Variants in MAML2 observed in about 807,000 individuals in gnomAD.
The protein encoded by MAML2 is mastermind-like protein 2.
Under a neutral mutation model 96.1 loss-of-function variants are expected in MAML2, and 22 were observed. The observed-to-expected ratio is 0.23, with a 90% CI of 0.16 to 0.33. The LOEUF (loss-of-function observed/expected upper bound fraction) is 0.33. Among genes scored for constraint, MAML2 ranks in the 10% least tolerant of loss-of-function variants. MAML2 has a pLI of 1.00. For synonymous variants in MAML2, 561 were observed against 521.3 expected, an observed-to-expected ratio of 1.08 and a Z score of -1.04; for missense variants, 1,367 against 1,392.4, an observed-to-expected ratio of 0.98 and a Z score of 0.29.
At chr11:96,265,256 G>C (rs1294780495) in intron 1 of MAML2, among the ~76,000 whole-genome samples, 2 of 152,224 alleles carry the variant, frequency 1.3e-5, no homozygotes, top group African/African-American at 2.4e-5. Flanking sequence ...AGGACGAGGG[G>C]AGAGTTGGCA....
At chr11:96,190,881 G>A (rs926900216) in intron 1 of MAML2, among the ~76,000 whole-genome samples, 4 of 152,180 alleles carry the variant, frequency 2.6e-5, no homozygotes, top group Non-Finnish European at 2.9e-5. Context: ...AGTTTTAGCT[G>A]ACAGTAATTT....
intron 1 of MAML2, among the ~76,000 whole-genome samples, chr11:96,319,168 G>T (rs987683465): frequency 6.6e-6 from 1 of 152,184 alleles, no homozygotes; most frequent in Non-Finnish European, 1.5e-5. Context: ...AGGAACTGAG[G>T]CCTCCGGTCA....
intron 1 of MAML2, among the ~76,000 whole-genome samples, chr11:96,157,519 C>A (rs945143824): frequency 6.6e-6 from 1 of 152,224 alleles, no homozygotes; most frequent in East Asian, 1.9e-4. Context: ...CTCTCCCCAC[C>A]ACCATTCTTG....
Position 96,016,421 on chromosome 11 carries a change from G to A in MAML2, c.2140-24698C>T, listed in dbSNP as rs117290363. Among the ~76,000 whole-genome samples, 526 of 152,242 alleles carry A rather than the reference G, an allele frequency of 3.5e-3. 2 individuals are homozygous for A. Among genetic ancestry groups the A allele is most frequent in the Admixed American group, 6.3e-3 (97 of 15,302 alleles). On this transcript the variant is annotated intron_variant, in intron 2 of 4. Coordinates refer to ENST00000524717, the MANE Select transcript of MAML2 (RefSeq NM_032427.4). ...ACAGGAAGCTCTCTGGTGGTGATCA[G>A]ATTACCAGATTACCACTTGCATCAG... is the stretch of plus-strand genomic sequence containing the variant.
At chr11:96,093,929 C>T (rs73523548) in intron 1 of MAML2, among the ~76,000 whole-genome samples, 2,889 of 152,182 alleles carry the variant, frequency 0.019, 100 homozygotes, top group African/African-American at 0.064. Context: ...AGAGTGTGCA[C>T]AATTTTAAGC....
intron 1 of MAML2, among the ~76,000 whole-genome samples, chr11:96,211,154 C>T: frequency 6.6e-6 from 1 of 152,130 alleles, no homozygotes; most frequent in East Asian, 1.9e-4. Flanking sequence ...CTAAAAGTCA[C>T]AGAAGCCTTA....
chr11:96,093,313 G>C lies in MAML2; in HGVS notation c.718C>G (p.Leu240Val). ...SGTLPMSQAP[L>V]RKTNTLPSHT... ...GATGGCAGAGTGTTAGTCTTTCGCA[G>C]GGGTGCTTGGCTCATAGGCAAGGTC... Residue 240 changes from leucine (L) to valine (V), a missense_variant, in exon 2 of 5, where the codon CTG becomes GTG. Transcript: ENST00000524717. The C allele has an allele frequency of 6.2e-7, 1 of 1,613,996 alleles. No homozygotes were observed. Among genetic ancestry groups the C allele is most frequent in the East Asian group, 2.2e-5 (1 of 44,884 alleles).
At chr11:96,243,068 A>C (rs975939871) in intron 1 of MAML2, among the ~76,000 whole-genome samples, 1 of 151,080 alleles carries the variant, frequency 6.6e-6, no homozygotes, top group Admixed American at 6.6e-5. Flanking sequence ...ATACACACAC[A>C]CCCCCTCTTT....
intron 1 of MAML2, among the ~76,000 whole-genome samples, chr11:96,124,877 G>A (rs533597447): frequency 6.6e-6 from 1 of 152,286 alleles, no homozygotes; most frequent in South Asian, 2.1e-4. Context: ...TATGTATTAT[G>A]CTCAGATGCA....
At chr11:96,314,084 GA>G (rs1863593545) in intron 1 of MAML2, among the ~76,000 whole-genome samples, 1 of 152,152 alleles carries the variant, frequency 6.6e-6, no homozygotes, top group South Asian at 2.1e-4. Context: ...AAAAGGAAAG[GA>G]AAAAATTTCA....
chr11:96,097,069 C>G (rs2135817389), intron 1 of MAML2, among the ~76,000 whole-genome samples: 1 of 152,276 alleles, frequency 6.6e-6, no homozygotes, highest in East Asian at 1.9e-4. Flanking sequence ...GCACCAGCAC[C>G]ATACAATCTA....
intron 1 of MAML2, among the ~76,000 whole-genome samples, chr11:96,127,908 G>T (rs1860477168): frequency 6.6e-6 from 1 of 152,226 alleles, no homozygotes; most frequent in South Asian, 2.1e-4. Flanking sequence ...TGCTTTAGAA[G>T]TGGCATGTTC....
chr11:96,289,523 C>T (rs1863182402), intron 1 of MAML2, among the ~76,000 whole-genome samples: 1 of 152,134 alleles, frequency 6.6e-6, no homozygotes, highest in Non-Finnish European at 1.5e-5. Context: ...ATAAATGTAA[C>T]TTTCCTAACT....
intron 1 of MAML2, among the ~76,000 whole-genome samples, chr11:96,188,930 C>A (rs1861612585): frequency 6.6e-6 from 1 of 152,000 alleles, no homozygotes; most frequent in African/African-American, 2.4e-5. Flanking sequence ...TTCTGCTAAA[C>A]AAATAAGCAA....
At chr11:95,989,047 G>A (rs1857870111) in intron 3 of MAML2, among the ~76,000 whole-genome samples, 3 of 152,176 alleles carry the variant, frequency 2.0e-5, no homozygotes, top group South Asian at 4.1e-4. Context: ...CATACAGTAG[G>A]TACACAATGC....
At chr11:96,130,770 AT>A (rs35416611) in intron 1 of MAML2, among the ~76,000 whole-genome samples, 395 of 147,382 alleles carry the variant, frequency 2.7e-3, no homozygotes, top group African/African-American at 2.2e-3. Flanking sequence ...GTTTATTCTG[AT>A]TTTTTTTTTT....
intron 2 of MAML2, among the ~76,000 whole-genome samples, chr11:96,064,376 A>T (rs561519190): frequency 8.5e-5 from 13 of 152,320 alleles, no homozygotes; most frequent in African/African-American, 2.9e-4. Context: ...ATTAGACAAG[A>T]GGACTTCTAA....
At chr11:96,287,983 A>T (rs886627016) in intron 1 of MAML2, among the ~76,000 whole-genome samples, 1 of 152,184 alleles carries the variant, frequency 6.6e-6, no homozygotes, top group South Asian at 2.1e-4. Flanking sequence ...GGCCCTACAT[A>T]AACTCTGAGA....
chr11:96,030,749 A>G (rs1218744666), intron 2 of MAML2, among the ~76,000 whole-genome samples: 1 of 152,214 alleles, frequency 6.6e-6, no homozygotes, highest in African/African-American at 2.4e-5. Context: ...CCAGAACTCT[A>G]CTTAAAGGCA....
Sources: allele counts gnomAD v4.1 joint callset (sites outside exome capture counted in the v4.1 genomes callset), GRCh38; gene constraint gnomAD v4.1.1; transcripts MANE v1.5; gene names NCBI Gene and HGNC (gene_info 2026-07-23, HGNC 2026-07-21).